The following MTF2 variants were observed in gnomAD, a reference collection of about 807,000 sequenced individuals.
MTF2 encodes the protein metal-response element-binding transcription factor 2.
A neutral mutation model predicts 79.5 loss-of-function variants in MTF2; 11 were observed. That is an observed-to-expected ratio of 0.14 (90% CI 0.09 to 0.23). MTF2 has a LOEUF of 0.23. Among genes scored for constraint, MTF2 ranks in the 10% least tolerant of loss-of-function variants. The probability of loss-of-function intolerance (pLI) is 1.00; values close to 1 mark genes in which losing one functional copy is unlikely to be tolerated. For synonymous variants in MTF2, 208 were observed against 232.8 expected (o/e 0.89, Z 0.97); for missense variants, 486 against 711.2 (o/e 0.68, Z 3.60).
chr1:93,083,326 C>T (rs961339043), intron 1 of MTF2, among the ~76,000 whole-genome samples: 1 of 152,138 alleles, frequency 6.6e-6, no homozygotes, highest in Admixed American at 6.5e-5. Context: ...AATATTTGGG[C>T]GGGCACACAA....
intron 1 of MTF2, among the ~76,000 whole-genome samples, chr1:93,096,156 A>G (rs1202404954): frequency 6.6e-6 from 1 of 152,160 alleles, no homozygotes; most frequent in Non-Finnish European, 1.5e-5. Flanking sequence ...ATATATTGTG[A>G]TTTAGAATTT....
Position 93,079,434 on chromosome 1 carries a change from C to T in MTF2, c.-93C>T, listed in dbSNP as rs1654500990. 5.9e-6 allele frequency: 9 copies of T among 1,537,944 alleles called. No individual in the cohort carries two copies. The highest frequency in any genetic ancestry group is 1.7e-5 in the Admixed American group (1 of 58,478). On this transcript the variant is annotated 5_prime_UTR_variant, in exon 1 of 15. An upstream open reading frame in the 5' UTR gains an earlier in-frame stop. Coordinates refer to ENST00000370298, the MANE Select transcript of MTF2 (RefSeq NM_007358.4). ...CCGGGTACCCGGTGGGGCGGGTGCC[C>T]AGTAAGTGCTCGGACTCGCAGGGGA...
chr1:93,116,501 A>ATTTT (rs34058324), intron 6 of MTF2, among the ~76,000 whole-genome samples: 15,321 of 120,036 alleles, frequency 0.13, 1,142 homozygotes, highest in Non-Finnish European at 0.16. Flanking sequence ...CCATTGTAAG[A>ATTTT]TTTTTTTTTT....
At chr1:93,118,594 C>A (rs545892108) in intron 7 of MTF2, among the ~76,000 whole-genome samples, 154 bp downstream of exon 7, 1 of 152,032 alleles carries the variant, frequency 6.6e-6, no homozygotes, top group East Asian at 1.9e-4. Context: ...TTAAAATATA[C>A]GTAATTTTTG....
At chr1:93,121,114 T>TATTGTTAGAAAAATGAGTTGTAG in intron 9 of MTF2, 2 of 982,186 alleles carry the variant, frequency 2.0e-6, no homozygotes, top group Non-Finnish European at 2.4e-6. Flanking sequence ...GATCTAATAA[T>TATTGTTAGAAAAATGAGTTGTAG]ATTGTTAGAA....
chr1:93,080,472 G>A (rs1654560146), intron 1 of MTF2, among the ~76,000 whole-genome samples: 1 of 152,170 alleles, frequency 6.6e-6, no homozygotes, highest in Non-Finnish European at 1.5e-5. Flanking sequence ...AAGGCTTATG[G>A]AATGTTACTC....
At chr1:93,097,069 C>G (rs1655321463) in intron 1 of MTF2, among the ~76,000 whole-genome samples, 1 of 152,084 alleles carries the variant, frequency 6.6e-6, no homozygotes, top group South Asian at 2.1e-4. Context: ...CTTGGCCTCC[C>G]AAGGTGCTGG....
chr1:93,084,873 T>A (rs1654771847), intron 1 of MTF2, among the ~76,000 whole-genome samples: 1 of 152,110 alleles, frequency 6.6e-6, no homozygotes, highest in Non-Finnish European at 1.5e-5. Context: ...CAAGGCCCTG[T>A]CTTTAAAAAT....
intron 1 of MTF2, among the ~76,000 whole-genome samples, chr1:93,104,878 C>A (rs970762029): frequency 6.6e-6 from 1 of 151,646 alleles, no homozygotes; most frequent in Admixed American, 6.6e-5. Context: ...CATTCTCGGC[C>A]GGGCGCGGTG....
intron 1 of MTF2, among the ~76,000 whole-genome samples, chr1:93,093,899 T>C (rs1192125083): frequency 6.6e-6 from 1 of 152,156 alleles, no homozygotes; most frequent in Non-Finnish European, 1.5e-5. Context: ...AGTCCCTTGA[T>C]TGATAATTTG....
chr1:93,079,955 C>T lies in MTF2; in HGVS notation c.5+424C>T, dbSNP rs564287978. On this transcript the variant is annotated intron_variant, in intron 1 of 14. Coordinates refer to ENST00000370298, the MANE Select transcript of MTF2 (RefSeq NM_007358.4). ...TGTGGGGAGCAGAGTGGAGGGCTGC[C>T]TGGGACCTTAGCAGTGCGCAAAGGG... Among the ~76,000 whole-genome samples, 10 of 151,926 alleles carry T rather than the reference C, an allele frequency of 6.6e-5. No homozygotes were observed. The South Asian group carries it at 2.1e-3, about 32-fold the overall frequency.
intron 14 of MTF2, among the ~76,000 whole-genome samples, chr1:93,134,786 AG>A (rs1247636395): frequency 1.3e-5 from 2 of 151,738 alleles, no homozygotes; most frequent in Non-Finnish European, 2.9e-5. Flanking sequence ...GGCCTTCTCA[AG>A]TGCTGGGATT....
chr1:93,107,668 C>T (rs1655852385), intron 1 of MTF2, among the ~76,000 whole-genome samples: 1 of 151,884 alleles, frequency 6.6e-6, no homozygotes, highest in African/African-American at 2.4e-5. Context: ...CAGGTATTTT[C>T]TTGAAGTGAC....
intron 14 of MTF2, among the ~76,000 whole-genome samples, chr1:93,136,422 A>AC (rs1647401954): frequency 6.6e-6 from 1 of 152,184 alleles, no homozygotes; most frequent in South Asian, 2.1e-4. Context: ...TAAAAAAATT[A>AC]CCCTAAACTT....
At chr1:93,091,381 T>TG (rs71586776) in intron 1 of MTF2, among the ~76,000 whole-genome samples, 24,860 of 152,076 alleles carry the variant, frequency 0.16, 2,258 homozygotes, top group African/African-American at 0.21. Flanking sequence ...AACATGGCAA[T>TG]ACAAGATCTT....
rs1474984017 is a variant in MTF2, at chr1:93,101,583, T to G, written c.6-8647T>G. 2.7e-5 allele frequency among the ~76,000 whole-genome samples: 3 copies of G among 112,400 alleles called. 1 individual carries two copies. Among genetic ancestry groups the G allele is most frequent in the Non-Finnish European group, 5.7e-5 (3 of 53,054 alleles). 73.7% of individuals were successfully genotyped at this position (112,400 alleles called of 152,430 possible). A position where few individuals can be genotyped will look rare whatever the true frequency, so the allele number is the denominator to read the frequency against. ...GCTCAGGCTGGTTTTTTTTTTTTTT[T>G]TTTTTTTTTTTTTTGAGACAGGGTC... is the stretch of plus-strand genomic sequence containing the variant. On this transcript the variant is annotated intron_variant, in intron 1 of 14. Transcript: ENST00000370298.
At chr1:93,120,119 C>G (rs770197019) in intron 8 of MTF2, 1 of 152,536 alleles carries the variant, frequency 6.6e-6, no homozygotes, top group Admixed American at 6.6e-5. Context: ...CACGTTTCTA[C>G]TAAAAATACA....
intron 1 of MTF2, among the ~76,000 whole-genome samples, chr1:93,104,102 C>CT (rs781525518): frequency 0.037 from 4,642 of 125,402 alleles, 205 homozygotes; most frequent in African/African-American, 0.067. Context: ...CTACACCCAG[C>CT]TTTTTTTTTT....
At chr1:93,110,040 A>G (rs1655966653) in intron 1 of MTF2, among the ~76,000 whole-genome samples, 190 bp from the exon 2 acceptor site, 1 of 152,198 alleles carries the variant, frequency 6.6e-6, no homozygotes, top group Non-Finnish European at 1.5e-5. Context: ...ATGAATGGAT[A>G]TTGAGAATTG....
Sources: allele counts gnomAD v4.1 joint callset (sites outside exome capture counted in the v4.1 genomes callset), GRCh38; gene constraint gnomAD v4.1.1; transcripts MANE v1.5; gene names NCBI Gene and HGNC (gene_info 2026-07-23, HGNC 2026-07-21).